Variants in STX8 observed in about 807,000 individuals in gnomAD.
STX8 encodes syntaxin-8.
Under a neutral mutation model 37.5 loss-of-function variants are expected in STX8, and 23 were observed. That is an observed-to-expected ratio of 0.61 (90% CI 0.44 to 0.87). STX8 has a LOEUF of 0.87. STX8 is among the 40% of genes least tolerant of loss of function. STX8 has a pLI of 0.00. For synonymous variants in STX8, 115 were observed against 99.1 expected, an observed-to-expected ratio of 1.16 and a Z score of -0.95; for missense variants, 313 against 284.7, an observed-to-expected ratio of 1.10 and a Z score of -0.71.
intron 7 of STX8, among the ~76,000 whole-genome samples, chr17:9,264,178 T>C (rs1351050453): frequency 1.3e-5 from 2 of 152,208 alleles, no homozygotes; most frequent in Admixed American, 1.3e-4. Context: ...TTCACCACTA[T>C]ACTGACTATA....
intron 4 of STX8, among the ~76,000 whole-genome samples, chr17:9,533,441 G>A (rs1218457468): frequency 2.0e-5 from 3 of 152,090 alleles, no homozygotes; most frequent in Non-Finnish European, 4.4e-5. Flanking sequence ...CTCCAGCCTG[G>A]GTGACAGAGT....
chr17:9,336,362 C>T (rs931615791), intron 7 of STX8, among the ~76,000 whole-genome samples: 4 of 151,706 alleles, frequency 2.6e-5, no homozygotes, highest in Non-Finnish European at 4.4e-5. Flanking sequence ...AGATTTCTTT[C>T]CTTTCTTTCC....
chr17:9,297,769 G>T (rs1324922307), intron 7 of STX8, among the ~76,000 whole-genome samples: 3 of 152,156 alleles, frequency 2.0e-5, no homozygotes, highest in Non-Finnish European at 2.9e-5. Context: ...CCAGCTGCCT[G>T]GGAGGTTGAG....
chr17:9,537,245 C>T (rs1281819905), intron 4 of STX8, among the ~76,000 whole-genome samples: 2 of 152,254 alleles, frequency 1.3e-5, no homozygotes, highest in Non-Finnish European at 2.9e-5. Context: ...TCACCAGGCC[C>T]TCCTCTTGAG....
chr17:9,423,333 T>C (rs1215722352), intron 6 of STX8, among the ~76,000 whole-genome samples: 1 of 152,212 alleles, frequency 6.6e-6, no homozygotes, highest in Non-Finnish European at 1.5e-5. Flanking sequence ...TTTGTTGTCG[T>C]TGTTTTTTGA....
At chr17:9,397,601 T>C (rs1006511041) in intron 6 of STX8, among the ~76,000 whole-genome samples, 1 of 151,996 alleles carries the variant, frequency 6.6e-6, no homozygotes, top group African/African-American at 2.4e-5. Flanking sequence ...TAACCAAAGG[T>C]GGAAGATTCT....
intron 7 of STX8, among the ~76,000 whole-genome samples, chr17:9,251,330 G>C (rs1906568326): frequency 6.6e-6 from 1 of 152,174 alleles, no homozygotes; most frequent in African/African-American, 2.4e-5. Flanking sequence ...CTGATGAAGT[G>C]GGCCCCACAG....
intron 7 of STX8, among the ~76,000 whole-genome samples, chr17:9,259,520 C>T (rs992872261): frequency 2.0e-5 from 3 of 152,154 alleles, no homozygotes; most frequent in Admixed American, 1.3e-4. Flanking sequence ...CTCCGAGGCC[C>T]GGCGGTGATG....
intron 7 of STX8, among the ~76,000 whole-genome samples, chr17:9,327,058 G>A (rs1203118579): frequency 6.6e-6 from 1 of 151,938 alleles, no homozygotes; most frequent in African/African-American, 2.4e-5. Flanking sequence ...TCGGGAGGCT[G>A]AGGCAGGAGA....
intron 7 of STX8, among the ~76,000 whole-genome samples, chr17:9,315,145 CA>C (rs1909339689): frequency 6.8e-6 from 1 of 146,028 alleles, no homozygotes; most frequent in Non-Finnish European, 1.5e-5. Flanking sequence ...GTAACAAAAA[CA>C]AGAAAAAAAC....
intron 7 of STX8, among the ~76,000 whole-genome samples, chr17:9,327,614 G>A (rs1909822723): frequency 6.6e-6 from 1 of 152,122 alleles, no homozygotes; most frequent in South Asian, 2.1e-4. Context: ...TGGGTACAGG[G>A]CAGGACCTCT....
intron 5 of STX8, among the ~76,000 whole-genome samples, chr17:9,497,756 T>C (rs1023368866): frequency 6.6e-6 from 1 of 152,226 alleles, no homozygotes; most frequent in African/African-American, 2.4e-5. Flanking sequence ...TTGACATACA[T>C]GAGACTTCTT....
In STX8 at chr17:9,429,486, G is replaced by A. The variant is rs528756857; in HGVS notation, c.542-50833C>T. On this transcript the variant is annotated intron_variant, in intron 6 of 7. Transcript: ENST00000306357. ...TGGGAGGCCTAGGCAGGCGGATCAT[G>A]AGGTCAGGAGATCAAGACCATCCTG... Among the ~76,000 whole-genome samples the A allele has an allele frequency of 9.4e-4, 135 of 143,818 alleles. 1 individual carries two copies. Among genetic ancestry groups the A allele is most frequent in the Middle Eastern group, 7.2e-3 (2 of 276 alleles). 94.4% of individuals were successfully genotyped at this position (143,818 alleles called of 152,430 possible). A position where few individuals can be genotyped will look rare whatever the true frequency, so the allele number is the denominator to read the frequency against.
chr17:9,351,176 CTTTTTTTTTTTTTT>C (rs71135970), intron 7 of STX8, among the ~76,000 whole-genome samples: 1 of 99,814 alleles, frequency 1.0e-5, no homozygotes, highest in African/African-American at 4.1e-5. Context: ...ATTTCCTTGT[CTTTTTTTTTTTTTT>C]TTTTTTTTTG....
At position 9,357,811 on chromosome 17, in the gene STX8, T is replaced by C. The variant is rs143467610; in HGVS notation, c.643+20741A>G. 3.9e-5 allele frequency among the ~76,000 whole-genome samples: 6 copies of C among 152,340 alleles called. No individual in the cohort carries two copies. The East Asian group carries it at 1.2e-3, about 29-fold the overall frequency. ...TCATCTATGGTTATGATTGCAAAAG[T>C]ACAAACTGATTTCAATTGTTTTATT... is the stretch of plus-strand genomic sequence containing the variant. On this transcript the variant is annotated intron_variant, in intron 7 of 7. Coordinates refer to ENST00000306357, the MANE Select transcript of STX8 (RefSeq NM_004853.3).
chr17:9,349,510 T>A (rs1199320209), intron 7 of STX8, among the ~76,000 whole-genome samples: 1 of 150,770 alleles, frequency 6.6e-6, no homozygotes, highest in African/African-American at 2.4e-5. Context: ...TTAGTAGAGA[T>A]GGAGTTTTAC....
chr17:9,494,278 G>A (rs1269102243), intron 5 of STX8, among the ~76,000 whole-genome samples: 4 of 151,668 alleles, frequency 2.6e-5, no homozygotes, highest in Non-Finnish European at 5.9e-5. Context: ...GCCTCCCAAA[G>A]TGCTGGGATT....
chr17:9,549,675 C>T (rs1484577791), intron 3 of STX8, among the ~76,000 whole-genome samples: 1 of 151,928 alleles, frequency 6.6e-6, no homozygotes, highest in African/African-American at 2.4e-5. Flanking sequence ...CATGCTGCCT[C>T]TTTGTTTTAT....
chr17:9,274,744 CTTTTTTCTTTT>C lies in STX8; in HGVS notation c.644-24110_644-24100del, dbSNP rs1169785324. Among the ~76,000 whole-genome samples, 89 of 88,904 alleles carry C rather than the reference CTTTTTTCTTTT, an allele frequency of 1.0e-3. 7 individuals are homozygous for C. The highest frequency in any genetic ancestry group is 1.7e-3 in the Non-Finnish European group (75 of 44,068). 58.3% of individuals were successfully genotyped at this position (88,904 alleles called of 152,430 possible). A position where few individuals can be genotyped will look rare whatever the true frequency, so the allele number is the denominator to read the frequency against. The stretch of plus-strand genomic sequence containing the variant: ...AAAGTCTTCAAAAATACAACAATTT[CTTTTTTCTTTT>C]TTTTTTTTTTTTTTGAGACGGAGTC... On this transcript the variant is annotated intron_variant, in intron 7 of 7. Transcript: ENST00000306357.
Sources: allele counts gnomAD v4.1 joint callset (sites outside exome capture counted in the v4.1 genomes callset), GRCh38; gene constraint gnomAD v4.1.1; transcripts MANE v1.5; gene names NCBI Gene and HGNC (gene_info 2026-07-23, HGNC 2026-07-21).